NEDD4L: variants seen among roughly 807,000 people sequenced by gnomAD.
NEDD4L encodes the protein NEDD4 like E3 ubiquitin protein ligase, also known as E3 ubiquitin-protein ligase NEDD4-like.
In NEDD4L, 54 loss-of-function variants were observed where a neutral mutation model predicts 148.9. The observed-to-expected ratio is 0.36, with a 90% confidence interval of 0.29 to 0.45. The LOEUF (loss-of-function observed/expected upper bound fraction) is 0.45, where lower values mean the gene tolerates loss of function less well. NEDD4L is among the 20% of genes least tolerant of loss of function. The pLI is 1.00. For missense variants in NEDD4L, 856 were observed against 1,233.8 expected, an observed-to-expected ratio of 0.69 and a Z score of 4.59; for synonymous variants, 433 against 440.7, an observed-to-expected ratio of 0.98 and a Z score of 0.22.
intron 1 of NEDD4L, among the ~76,000 whole-genome samples, chr18:58,137,051 A>G (rs959470151): frequency 1.3e-5 from 2 of 152,252 alleles, no homozygotes; most frequent in African/African-American, 4.8e-5. Flanking sequence ...GTAATACGAT[A>G]CGCAGTCTGG....
Position 58,379,355 on chromosome 18 carries a change from G to A in NEDD4L, c.2353-3891G>A, listed in dbSNP as rs116504247. Among the ~76,000 whole-genome samples the A allele has an allele frequency of 4.9e-3, 752 of 152,362 alleles. 8 individuals carry two copies. The highest frequency in any genetic ancestry group is 0.018 in the African/African-American group (729 of 41,594). ...GGGCAGAGAGCAGCCCCTGTGTGAC[G>A]CTGCCCCGATTTCTCCCACTTAGGG... On this transcript the variant is annotated intron_variant, in intron 24 of 30. Transcript: ENST00000400345.
chr18:58,181,459 C>A (rs998081902), intron 2 of NEDD4L, among the ~76,000 whole-genome samples: 1 of 152,148 alleles, frequency 6.6e-6, no homozygotes, highest in East Asian at 1.9e-4. Context: ...ATTAGCAGAG[C>A]CTCTCTGTGT....
At chr18:58,303,914 G>A (rs1461036884) in intron 5 of NEDD4L, among the ~76,000 whole-genome samples, 1 of 152,154 alleles carries the variant, frequency 6.6e-6, no homozygotes, top group African/African-American at 2.4e-5. Flanking sequence ...ATGAACACCA[G>A]ATTACTAGAA....
intron 5 of NEDD4L, among the ~76,000 whole-genome samples, chr18:58,279,664 G>C (rs1390345576): frequency 6.6e-6 from 1 of 152,218 alleles, no homozygotes; most frequent in African/African-American, 2.4e-5. Flanking sequence ...CCGTCTGAGA[G>C]CTGGGACTTT....
intron 5 of NEDD4L, among the ~76,000 whole-genome samples, chr18:58,277,195 T>C (rs116644451): frequency 2.0e-4 from 31 of 152,014 alleles, no homozygotes; most frequent in African/African-American, 7.5e-4. Flanking sequence ...AGAACTTTGA[T>C]TTGATCTTTG....
chr18:58,278,584 C>T (rs183304), intron 5 of NEDD4L, among the ~76,000 whole-genome samples: 3 of 152,176 alleles, frequency 2.0e-5, no homozygotes. Context: ...CCCAGCGTGT[C>T]CCCACACCCA....
rs545198357 is a variant in NEDD4L, at chr18:58,256,860, C to G, written c.297+4806C>G. ...CGTAACCAAAATAAAACCTCACCCT[C>G]TGTTCCGGGAGTTTCCCTGCTTCAG... On this transcript the variant is annotated intron_variant, in intron 5 of 30. Coordinates refer to ENST00000400345, the MANE Select transcript of NEDD4L (RefSeq NM_001144967.3). This position sits in a 1 kb window ranked among gnomAD's most constrained non-coding sequence, Gnocchi z 5.2. 1.5e-5 allele frequency: 17 copies of G among 1,157,158 alleles called. No homozygotes were observed. The highest frequency in any genetic ancestry group is 3.2e-4 in the Middle Eastern group (1 of 3,092). 71.7% of individuals were successfully genotyped at this position (1,157,158 alleles called of 1,614,324 possible).
chr18:58,210,557 T>C (rs2042501808), intron 2 of NEDD4L, among the ~76,000 whole-genome samples: 1 of 152,188 alleles, frequency 6.6e-6, no homozygotes, highest in East Asian at 1.9e-4. Context: ...CAGGTGCTTC[T>C]CCTGCCTCAG....
At chr18:58,289,208 G>A (rs773827222) in intron 5 of NEDD4L, among the ~76,000 whole-genome samples, 2 of 152,146 alleles carry the variant, frequency 1.3e-5, no homozygotes, top group Non-Finnish European at 2.9e-5. Flanking sequence ...GTACAAATTA[G>A]CTCAGATTCA....
chr18:58,079,812 T>C (rs570776834), intron 1 of NEDD4L, among the ~76,000 whole-genome samples: 2 of 152,322 alleles, frequency 1.3e-5, no homozygotes, highest in Admixed American at 6.5e-5. Flanking sequence ...CTGTACGGAA[T>C]GTGTCATTGG....
At chr18:58,242,127 T>C (rs545087133) in intron 2 of NEDD4L, among the ~76,000 whole-genome samples, 2 of 152,294 alleles carry the variant, frequency 1.3e-5, no homozygotes, top group South Asian at 4.1e-4. Context: ...ATACGTAGCA[T>C]GCTGCAGTTG....
chr18:58,383,198 C>T, intron 24 of NEDD4L, 48 bp from the exon 25 acceptor site: 1 of 932,826 alleles, frequency 1.1e-6, no homozygotes, highest in Non-Finnish European at 1.7e-6. Context: ...TAATAATATG[C>T]AAGATAACTT....
chr18:58,096,078 T>C (rs1248065589), intron 1 of NEDD4L, among the ~76,000 whole-genome samples: 3 of 152,128 alleles, frequency 2.0e-5, no homozygotes, highest in Non-Finnish European at 4.4e-5. Context: ...GAATGCCAAA[T>C]GTTTACATGG....
At chr18:58,064,158 G>GT (rs945529784) in intron 1 of NEDD4L, among the ~76,000 whole-genome samples, 5 of 151,374 alleles carry the variant, frequency 3.3e-5, no homozygotes, top group Admixed American at 2.6e-4. Flanking sequence ...TAGAGACGGG[G>GT]TTTCACCGTG....
At chr18:58,125,606 A>G (rs1179024347) in intron 1 of NEDD4L, among the ~76,000 whole-genome samples, 1 of 152,136 alleles carries the variant, frequency 6.6e-6, no homozygotes, top group Non-Finnish European at 1.5e-5. Context: ...CCCCACTGCC[A>G]GCCTCTCCAC....
chr18:58,344,791 G>A (rs2042842127), intron 16 of NEDD4L, among the ~76,000 whole-genome samples: 1 of 152,016 alleles, frequency 6.6e-6, no homozygotes, highest in African/African-American at 2.4e-5. Flanking sequence ...ATTTACTATA[G>A]CACTGCTGTA....
At chr18:58,122,425 A>C (rs890124163) in intron 1 of NEDD4L, among the ~76,000 whole-genome samples, 2 of 152,194 alleles carry the variant, frequency 1.3e-5, no homozygotes, top group African/African-American at 4.8e-5. Flanking sequence ...GCTTGAACCC[A>C]GGAGGAGGTT....
At chr18:58,048,481 C>T (rs909606064) in intron 1 of NEDD4L, among the ~76,000 whole-genome samples, 2 of 152,160 alleles carry the variant, frequency 1.3e-5, no homozygotes, top group Non-Finnish European at 2.9e-5. Context: ...AAAGAGGTTA[C>T]GTGACCTGCA....
At chr18:58,145,150 C>G (rs2033970146) in intron 1 of NEDD4L, among the ~76,000 whole-genome samples, 1 of 152,210 alleles carries the variant, frequency 6.6e-6, no homozygotes, top group African/African-American at 2.4e-5. Context: ...TCCCCTCCCC[C>G]TGAGGCTCTC....
Sources: gnomAD v4.1 joint callset for allele counts (sites outside exome capture counted in the v4.1 genomes callset) on GRCh38, gnomAD v4.1.1 for gene constraint, Gnocchi (gnomAD v3.1) non-coding constraint, MANE v1.5 for transcripts, NCBI Gene and HGNC (gene_info 2026-07-23, HGNC 2026-07-21) for gene names.